Variants in PRELID2 observed in about 807,000 individuals in gnomAD.
PRELID2 encodes PRELI domain-containing protein 2.
In PRELID2, 25 loss-of-function variants were observed where a neutral mutation model predicts 28.4. That is an observed-to-expected ratio of 0.88 (90% confidence interval 0.64 to 1.23). The LOEUF (loss-of-function observed/expected upper bound fraction) is 1.23, where lower values mean the gene tolerates loss of function less well. Among genes scored for constraint, PRELID2 ranks in the 50% most tolerant of loss-of-function variants. PRELID2 has a pLI of 0.00. For synonymous variants in PRELID2, 76 were observed against 71.6 expected, an observed-to-expected ratio of 1.06 and a Z score of -0.31; for missense variants, 201 against 214.4, an observed-to-expected ratio of 0.94 and a Z score of 0.39.
intron 1 of PRELID2, among the ~76,000 whole-genome samples, chr5:145,831,890 C>T (rs1755614063): frequency 2.0e-5 from 3 of 152,182 alleles, no homozygotes; most frequent in Admixed American, 2.0e-4. Flanking sequence ...TAACTGAATA[C>T]AGCTACATAA....
intron 1 of PRELID2, among the ~76,000 whole-genome samples, chr5:145,663,184 C>T (rs1454828168): frequency 3.3e-5 from 5 of 152,094 alleles, no homozygotes; most frequent in African/African-American, 1.2e-4. Context: ...AGCTAGAGAA[C>T]CAAGATGCAA....
At position 145,677,285 on chromosome 5, in the gene PRELID2, G is replaced by A. The variant is rs181686885; in HGVS notation, n.70+87646C>T. Among the ~76,000 whole-genome samples, 11 of 151,112 alleles carry A rather than the reference G, an allele frequency of 7.3e-5. No homozygotes were observed. The South Asian group carries it at 8.4e-4, about 11-fold the overall frequency. ...TTCTCATGCCTCAGCCTCCTGAGTC[G>A]CTGGGACTACTGCCGTGTGCCACCA... On this transcript the variant is annotated intron_variant and non_coding_transcript_variant, in intron 1 of 2. Transcript: ENST00000510259.
the PRELID2 span, among the ~76,000 whole-genome samples, chr5:145,428,535 C>G: frequency 6.6e-6 from 1 of 151,954 alleles, no homozygotes; most frequent in African/African-American, 2.4e-5. Flanking sequence ...GGAAGGGCTA[C>G]GGAGAAGTTG....
the PRELID2 span, among the ~76,000 whole-genome samples, chr5:145,320,366 C>G: frequency 0.61 from 92,634 of 150,678 alleles, 29,001 homozygotes; most frequent in East Asian, 0.89. Flanking sequence ...CGCCTCACCG[C>G]TTCACGCCAT....
intron 1 of PRELID2, among the ~76,000 whole-genome samples, chr5:145,610,830 G>T (rs571690610): frequency 6.6e-6 from 1 of 151,972 alleles, no homozygotes; most frequent in Admixed American, 6.6e-5. Flanking sequence ...AAAATACAGA[G>T]AAAATATCAA....
At chr5:145,701,128 C>G (rs930642461) in intron 1 of PRELID2, among the ~76,000 whole-genome samples, 1 of 152,144 alleles carries the variant, frequency 6.6e-6, no homozygotes, top group Non-Finnish European at 1.5e-5. Context: ...TTTTGAGAGT[C>G]CTATAATTAC....
chr5:145,576,324 A>G (rs940423613), intron 1 of PRELID2, among the ~76,000 whole-genome samples: 2 of 152,082 alleles, frequency 1.3e-5, no homozygotes, highest in Non-Finnish European at 2.9e-5. Context: ...TTCTGTCTCT[A>G]TGGGCTTGCC....
the PRELID2 span, among the ~76,000 whole-genome samples, chr5:145,356,031 T>G: frequency 6.6e-6 from 1 of 152,172 alleles, no homozygotes. Flanking sequence ...TTTTGAATTC[T>G]TCCAATGTCT....
chr5:145,831,552 G>A (rs417215), intron 1 of PRELID2, among the ~76,000 whole-genome samples: 108,627 of 152,082 alleles, frequency 0.71, 39,976 homozygotes, highest in Non-Finnish European at 0.82. Context: ...AATAACATAA[G>A]GGGAAAATTC....
At chr5:145,273,054 C>T in the PRELID2 span, among the ~76,000 whole-genome samples, 1 of 152,160 alleles carries the variant, frequency 6.6e-6, no homozygotes, top group East Asian at 1.9e-4. Flanking sequence ...TCTTGATCGC[C>T]ATGCTGGAAA....
chr5:145,466,800 C>T (rs535466235), downstream of PRELID2, among the ~76,000 whole-genome samples: 10 of 152,144 alleles, frequency 6.6e-5, no homozygotes, highest in South Asian at 2.1e-3. Flanking sequence ...GCCGCCCAGG[C>T]CTTCTTAACC....
chr5:145,496,264 C>A (rs1264852249), intron 1 of PRELID2, among the ~76,000 whole-genome samples: 3 of 152,114 alleles, frequency 2.0e-5, no homozygotes, highest in Non-Finnish European at 2.9e-5. Context: ...GAAGTGCCCA[C>A]TAGACATCCA....
the PRELID2 span, among the ~76,000 whole-genome samples, chr5:145,363,101 A>G: frequency 1.3e-5 from 2 of 149,770 alleles, no homozygotes; most frequent in East Asian, 1.9e-4. Context: ...TTCTAGCCAC[A>G]TATCATGGCT....
chr5:145,285,794 G>A, the PRELID2 span, among the ~76,000 whole-genome samples: 1 of 152,112 alleles, frequency 6.6e-6, no homozygotes. Context: ...AGAATGTCAG[G>A]TCACCCTTCA....
the PRELID2 span, among the ~76,000 whole-genome samples, chr5:145,415,811 G>A: frequency 6.6e-6 from 1 of 151,920 alleles, no homozygotes; most frequent in African/African-American, 2.4e-5. Context: ...TGAGATGGCT[G>A]GGTCAAATCG....
intron 1 of PRELID2, among the ~76,000 whole-genome samples, chr5:145,741,849 C>A (rs1756796500): frequency 2.9e-5 from 1 of 34,690 alleles, no homozygotes; most frequent in South Asian, 7.9e-4. Flanking sequence ...ATATATAAAA[C>A]ATTTTTATAA....
chr5:145,298,962 AAAC>A, the PRELID2 span, among the ~76,000 whole-genome samples: 1 of 152,140 alleles, frequency 6.6e-6, no homozygotes, highest in Non-Finnish European at 1.5e-5. Context: ...ACATTATCAA[AAAC>A]AACATAAAAA....
chr5:145,503,963 A>T (rs1351599938), intron 1 of PRELID2, among the ~76,000 whole-genome samples: 1 of 152,164 alleles, frequency 6.6e-6, no homozygotes, highest in Non-Finnish European at 1.5e-5. Context: ...TTCCATTTAC[A>T]CTGGACCAGG....
chr5:145,469,611 C>T (rs10052540), downstream of PRELID2, among the ~76,000 whole-genome samples: 3,342 of 152,054 alleles, frequency 0.022, 121 homozygotes, highest in African/African-American at 0.076. Flanking sequence ...AAAAAGGCAG[C>T]GACACCGAAC....
Sources: allele counts gnomAD v4.1 joint callset (sites outside exome capture counted in the v4.1 genomes callset), GRCh38; gene constraint gnomAD v4.1.1; transcripts MANE v1.5; gene names NCBI Gene and HGNC (gene_info 2026-07-23, HGNC 2026-07-21).